CACNA1C: variants seen among roughly 807,000 people sequenced by gnomAD.
CACNA1C encodes calcium voltage-gated channel subunit alpha1 C.
Under a neutral mutation model 229.0 loss-of-function variants are expected in CACNA1C, and 30 were observed. That is an observed-to-expected ratio of 0.13 (90% CI 0.10 to 0.18). The LOEUF (loss-of-function observed/expected upper bound fraction) is 0.18, where lower values mean the gene tolerates loss of function less well. Ranked by LOEUF, CACNA1C falls within the 10% of genes least tolerant of loss-of-function variation. The pLI is 1.00. For synonymous variants in CACNA1C, 1,114 were observed against 1,132.5 expected (o/e 0.98, Z 0.33); for missense variants, 1,658 against 2,845.0 (o/e 0.58, Z 9.49).
At chr12:2,125,575 A>G (rs770438358) in intron 3 of CACNA1C, among the ~76,000 whole-genome samples, 15 of 152,186 alleles carry the variant, frequency 9.9e-5, no homozygotes, top group Non-Finnish European at 2.2e-4. Context: ...CACCTGAAGC[A>G]GGTGGCTCTC....
rs761730601 is a variant in CACNA1C at position 2,215,658 on chromosome 12, TC to T, written c.477+95230del. 6.6e-6 allele frequency among the ~76,000 whole-genome samples: 1 copy of T among 152,178 alleles called. No individual in the cohort carries two copies. The highest frequency in any genetic ancestry group is 1.5e-5 in the Non-Finnish European group (1 of 68,032). On this transcript the variant is annotated intron_variant, in intron 3 of 46. Transcript: ENST00000399655. The surrounding 1 kb of genome is among the most constrained non-coding windows in gnomAD (Gnocchi z 5.0). ...ATGTCCCAGCCCTTCAGGGACAGGC[TC>T]CAGGGTAGGCCTGGCAGAGGGAAGG...
intron 1 of CACNA1C, among the ~76,000 whole-genome samples, chr12:1,986,736 G>T (rs760157458): frequency 1.3e-5 from 2 of 152,040 alleles, no homozygotes; most frequent in Non-Finnish European, 2.9e-5. Context: ...AAAGAGGAAA[G>T]AATAAAGCCA....
At chr12:2,501,702 GT>G (rs984215057) in intron 7 of CACNA1C, among the ~76,000 whole-genome samples, 1 of 152,208 alleles carries the variant, frequency 6.6e-6, no homozygotes, top group Non-Finnish European at 1.5e-5. Flanking sequence ...GCTCGGGTTT[GT>G]TTTTCTTCTC....
intron 7 of CACNA1C, among the ~76,000 whole-genome samples, chr12:2,497,269 A>G (rs549545869): frequency 6.6e-6 from 1 of 152,328 alleles, no homozygotes; most frequent in East Asian, 1.9e-4. Context: ...GGCAGTCACA[A>G]TCAGGTAACA....
chr12:2,563,188 A>G (rs867309450), intron 11 of CACNA1C, among the ~76,000 whole-genome samples: 30 of 152,298 alleles, frequency 2.0e-4, no homozygotes, highest in Non-Finnish European at 1.5e-4. Context: ...AGTTCCATCC[A>G]TGTTGTTGCA....
chr12:2,294,978 G>T (rs2093900971), intron 3 of CACNA1C, among the ~76,000 whole-genome samples: 1 of 152,194 alleles, frequency 6.6e-6, no homozygotes, highest in Non-Finnish European at 1.5e-5. Context: ...CGGGGAAGGG[G>T]TGTATTTGGC....
intron 10 of CACNA1C, among the ~76,000 whole-genome samples, chr12:2,555,899 C>T (rs1203973573): frequency 6.6e-6 from 1 of 151,822 alleles, no homozygotes; most frequent in African/African-American, 2.4e-5. Context: ...AGGCCTGCGG[C>T]GGTTGCCTCC....
intron 29 of CACNA1C, among the ~76,000 whole-genome samples, chr12:2,625,477 G>A (rs762656471): frequency 3.3e-5 from 5 of 152,192 alleles, no homozygotes; most frequent in Admixed American, 6.5e-5. Context: ...CCGGCCCTGC[G>A]CTGGGTCAGC....
At chr12:2,511,907 G>A (rs1241241379) in intron 8 of CACNA1C, among the ~76,000 whole-genome samples, 2 of 152,080 alleles carry the variant, frequency 1.3e-5, no homozygotes, top group Non-Finnish European at 2.9e-5. Context: ...TAAATCAAAT[G>A]CATCATTTAA....
At chr12:2,411,782 C>G (rs1177998466) in intron 3 of CACNA1C, among the ~76,000 whole-genome samples, 2 of 152,220 alleles carry the variant, frequency 1.3e-5, no homozygotes, top group African/African-American at 2.4e-5. Context: ...GCTCCTCCCC[C>G]ATCCTCAGGA....
chr12:2,475,709 G>A (rs1329007867), intron 5 of CACNA1C, among the ~76,000 whole-genome samples: 1 of 152,234 alleles, frequency 6.6e-6, no homozygotes, highest in Non-Finnish European at 1.5e-5. Context: ...GGAATGCAGA[G>A]AAGAGTACAG....
chr12:2,017,890 A>G (rs2470424), intron 1 of CACNA1C, among the ~76,000 whole-genome samples: 88,652 of 151,954 alleles, frequency 0.58, 26,890 homozygotes, highest in African/African-American at 0.76. Context: ...TGAAGGCAGT[A>G]GCACCACAAA....
At chr12:1,984,660 G>A (rs145294359) in intron 1 of CACNA1C, among the ~76,000 whole-genome samples, 1,548 of 150,172 alleles carry the variant, frequency 0.01, 31 homozygotes, top group African/African-American at 0.035. Context: ...GTAATTACCC[G>A]TATATTTACT....
At chr12:2,366,724 G>A (rs1384159291) in intron 3 of CACNA1C, among the ~76,000 whole-genome samples, 1 of 152,152 alleles carries the variant, frequency 6.6e-6, no homozygotes, top group East Asian at 1.9e-4. Context: ...CTGTTATAAA[G>A]AACTACCTGA....
At chr12:2,406,817 C>A (rs763709636) in intron 3 of CACNA1C, among the ~76,000 whole-genome samples, 8 of 152,204 alleles carry the variant, frequency 5.3e-5, no homozygotes, top group Non-Finnish European at 1.2e-4. Context: ...CTTTCCTGTT[C>A]TTGGTATGAG....
Position 2,310,349 on chromosome 12 carries a change from A to AT in CACNA1C, c.478-138627_478-138626insT, listed in dbSNP as rs1314709513. ...TGTCCTCTGCCTCCCAGTTAAAAAA[A>AT]AAAATATATATATATATATATATGT... On this transcript the variant is annotated intron_variant, in intron 3 of 46. Transcript: ENST00000399655. Among the ~76,000 whole-genome samples the AT allele has an allele frequency of 3.5e-3, 501 of 142,550 alleles. 2 individuals are homozygous for AT. The highest frequency in any genetic ancestry group is 0.018 in the South Asian group (75 of 4,198). The allele number at this position is 142,550 out of a possible 152,430, so 93.5% of individuals were successfully genotyped here. A position where few individuals can be genotyped will look rare whatever the true frequency, so the allele number is the denominator to read the frequency against.
rs117778746 is a variant in CACNA1C, at chr12:2,470,312, A to T, written c.757+12606A>T. ...TTTTTGTGTCTGGAGACCTCCAAAC[A>T]TGAAATCACAGACAAGGTGATGACT... On this transcript the variant is annotated intron_variant, in intron 5 of 46. Coordinates refer to ENST00000399655, the MANE Select transcript of CACNA1C (RefSeq NM_000719.7). 9.8e-3 allele frequency among the ~76,000 whole-genome samples: 1,500 copies of T among 152,364 alleles called. 21 individuals are homozygous for T. Among genetic ancestry groups the T allele is most frequent in the Middle Eastern group, 0.048 (14 of 294 alleles).
At chr12:2,294,410 A>T (rs1415387606) in intron 3 of CACNA1C, among the ~76,000 whole-genome samples, 1 of 151,962 alleles carries the variant, frequency 6.6e-6, no homozygotes, top group Non-Finnish European at 1.5e-5. Flanking sequence ...GAGTCAAAGC[A>T]CGAAGGCCTT....
chr12:2,381,172 A>G (rs2154545382), intron 3 of CACNA1C, among the ~76,000 whole-genome samples: 1 of 152,264 alleles, frequency 6.6e-6, no homozygotes, highest in Admixed American at 6.5e-5. Flanking sequence ...GAATGGAGGA[A>G]GGGAGGTTAG....
Sources: allele counts gnomAD v4.1 joint callset (sites outside exome capture counted in the v4.1 genomes callset), GRCh38; gene constraint gnomAD v4.1.1; non-coding constraint Gnocchi (gnomAD v3.1); transcripts MANE v1.5; gene names NCBI Gene and HGNC (gene_info 2026-07-23, HGNC 2026-07-21).